CDH8: variants seen among roughly 807,000 people sequenced by gnomAD.
CDH8 encodes cadherin-8.
CDH8 carries 17 observed loss-of-function variants against 68.1 expected under a neutral mutation model. The ratio of observed to expected loss-of-function variants is 0.25; its 90% CI spans 0.17 to 0.37. The LOEUF (loss-of-function observed/expected upper bound fraction) is 0.37, where lower values mean the gene tolerates loss of function less well. Among genes scored for constraint, CDH8 ranks in the 10% least tolerant of loss-of-function variants. CDH8 has a pLI of 1.00. For synonymous variants in CDH8, 372 were observed against 365.1 expected, an observed-to-expected ratio of 1.02 and a Z score of -0.21; for missense variants, 763 against 999.3, an observed-to-expected ratio of 0.76 and a Z score of 3.19.
At chr16:62,007,096 T>C (rs1174415707) in intron 2 of CDH8, among the ~76,000 whole-genome samples, 1 of 151,996 alleles carries the variant, frequency 6.6e-6, no homozygotes, top group African/African-American at 2.4e-5. Flanking sequence ...TTAGTAGAGA[T>C]GGGGTTTCAC....
rs928942403 is a variant in CDH8 at position 61,648,016 on chromosome 16, C to T, written c.*5592G>A. On this transcript the variant is annotated 3_prime_UTR_variant, in exon 12 of 12. Transcript: ENST00000577390. ...GTTGGGGAAATAGTACCCAAAGGCA[C>T]TATTTTCACCAGCAAATGCCTACTA... The T allele has an allele frequency of 3.1e-5, 18 of 584,204 alleles. No individual in the cohort carries two copies. In the African/African-American group the frequency reaches 3.2e-4, roughly 10 times the overall value. The allele number at this position is 584,204 out of a possible 1,614,324, so 36.2% of individuals were successfully genotyped here.
At chr16:61,690,297 C>T (rs1325037305) in intron 10 of CDH8, among the ~76,000 whole-genome samples, 2 of 151,926 alleles carry the variant, frequency 1.3e-5, no homozygotes, top group Admixed American at 1.3e-4. Flanking sequence ...ATTATTGATC[C>T]TTGTTGCAAT....
At position 61,960,181 on chromosome 16, in the gene CDH8, A is replaced by ATG. The variant is rs1491468482; in HGVS notation, c.253-58709_253-58708insCA. Among the ~76,000 whole-genome samples, 697 of 110,160 alleles carry ATG rather than the reference A, an allele frequency of 6.3e-3. 177 individuals carry two copies. The highest frequency in any genetic ancestry group is 9.8e-3 in the Non-Finnish European group (528 of 53,774). The allele number at this position is 110,160 out of a possible 152,430, so 72.3% of individuals were successfully genotyped here. On this transcript the variant is annotated intron_variant, in intron 2 of 11. Transcript: ENST00000577390. ...TGTGTGTATACACATACATATATAC[A>ATG]TATGTGTGTGTATACACATACATAT...
chr16:61,948,708 G>A (rs1339116913), intron 2 of CDH8, among the ~76,000 whole-genome samples: 1 of 152,208 alleles, frequency 6.6e-6, no homozygotes, highest in Admixed American at 6.5e-5. Flanking sequence ...GCCCGCTCAA[G>A]AAAATGCTAA....
chr16:61,822,048 C>T (rs189037691), intron 5 of CDH8, among the ~76,000 whole-genome samples: 23 of 151,836 alleles, frequency 1.5e-4, no homozygotes, highest in African/African-American at 5.5e-4. Flanking sequence ...CCCTCAAAGA[C>T]TCACAGGAGT....
At chr16:61,847,228 C>T (rs1473707155) in intron 4 of CDH8, among the ~76,000 whole-genome samples, 2 of 151,904 alleles carry the variant, frequency 1.3e-5, no homozygotes, top group Non-Finnish European at 2.9e-5. Context: ...GGTTCTAAGC[C>T]CTGCAATGCA....
chr16:61,865,596 CAG>C (rs537261585), intron 3 of CDH8, among the ~76,000 whole-genome samples: 13 of 152,258 alleles, frequency 8.5e-5, no homozygotes, highest in Admixed American at 8.5e-4. Flanking sequence ...CTTTTGCAAA[CAG>C]ATAATGAGGG....
chr16:61,851,153 C>T (rs951141168), intron 4 of CDH8, among the ~76,000 whole-genome samples: 4 of 151,814 alleles, frequency 2.6e-5, no homozygotes, highest in African/African-American at 7.3e-5. Context: ...ATTTTGACTC[C>T]GAAGGCATAA....
At chr16:62,028,001 A>G (rs1902234802) in intron 1 of CDH8, among the ~76,000 whole-genome samples, 1 of 151,858 alleles carries the variant, frequency 6.6e-6, no homozygotes, top group South Asian at 2.1e-4. Context: ...CCAGATGTCA[A>G]TCTGTCCAAA....
intron 10 of CDH8, among the ~76,000 whole-genome samples, chr16:61,660,976 C>T (rs1201111988): frequency 6.6e-6 from 1 of 151,716 alleles, no homozygotes; most frequent in Non-Finnish European, 1.5e-5. Flanking sequence ...CTCAAATCCA[C>T]ATTAAAAATA....
intron 2 of CDH8, among the ~76,000 whole-genome samples, chr16:61,921,963 G>A (rs142896130): frequency 0.038 from 5,768 of 152,080 alleles, 360 homozygotes; most frequent in African/African-American, 0.13. Context: ...CCCAGGAGGC[G>A]AAGATTGCAG....
At chr16:61,670,561 C>T (rs1264576827) in intron 10 of CDH8, among the ~76,000 whole-genome samples, 2 of 151,816 alleles carry the variant, frequency 1.3e-5, no homozygotes, top group Admixed American at 1.3e-4. Flanking sequence ...AATTAAGTCC[C>T]TACAAATATA....
chr16:61,682,639 C>T (rs72796858), intron 10 of CDH8, among the ~76,000 whole-genome samples: 526 of 147,736 alleles, frequency 3.6e-3, no homozygotes, highest in Non-Finnish European at 6.7e-3. Flanking sequence ...TTCATCAGCC[C>T]TCATTTTAAA....
chr16:61,691,197 C>T (rs747690442), intron 10 of CDH8, among the ~76,000 whole-genome samples: 5 of 152,022 alleles, frequency 3.3e-5, no homozygotes, highest in Admixed American at 2.0e-4. Flanking sequence ...TCTATTTACA[C>T]GCTATTATTG....
chr16:61,672,491 G>GA (rs1963817479), intron 10 of CDH8, among the ~76,000 whole-genome samples: 1 of 151,946 alleles, frequency 6.6e-6, no homozygotes. Flanking sequence ...AACTGAAGAT[G>GA]AAAAAATCTT....
chr16:61,683,770 G>T (rs16963817), intron 10 of CDH8, among the ~76,000 whole-genome samples: 1 of 151,966 alleles, frequency 6.6e-6, no homozygotes, highest in African/African-American at 2.4e-5. Context: ...AAATCCATTT[G>T]AGCTTCTTGT....
chr16:61,876,474 C>T lies in CDH8; in HGVS notation c.548-19236G>A, dbSNP rs150490464. 3.0e-3 allele frequency among the ~76,000 whole-genome samples: 463 copies of T among 152,188 alleles called. 1 individual carries two copies. Among genetic ancestry groups the T allele is most frequent in the African/African-American group, 0.01 (425 of 41,534 alleles). ...TATAAAAGGCACTCATACTTCAGAG[C>T]TTTGAATGACTAATGCCAAGACCCC... On this transcript the variant is annotated intron_variant, in intron 3 of 11. Transcript: ENST00000577390.
At chr16:61,989,567 T>C (rs1187321722) in intron 2 of CDH8, among the ~76,000 whole-genome samples, 2 of 152,208 alleles carry the variant, frequency 1.3e-5, no homozygotes, top group South Asian at 2.1e-4. Flanking sequence ...GAACATGTTT[T>C]TCAGATACTT....
chr16:62,014,759 C>G (rs1457448730), intron 2 of CDH8, among the ~76,000 whole-genome samples: 5 of 152,018 alleles, frequency 3.3e-5, no homozygotes, highest in African/African-American at 1.2e-4. Flanking sequence ...ATAGATGTGG[C>G]ATTACCAGCA....
Sources: gnomAD v4.1 joint callset for allele counts (sites outside exome capture counted in the v4.1 genomes callset) on GRCh38, gnomAD v4.1.1 for gene constraint, MANE v1.5 for transcripts, NCBI Gene and HGNC (gene_info 2026-07-23, HGNC 2026-07-21) for gene names.